Variants in ZNF701 observed in about 807,000 individuals in gnomAD.
ZNF701 encodes the protein zinc finger protein 701.
Under a neutral mutation model 7.1 loss-of-function variants are expected in ZNF701, and 6 were observed. The ratio of observed to expected loss-of-function variants is 0.84; its 90% confidence interval spans 0.46 to 1.66. ZNF701 has a LOEUF of 1.66. Ranked by LOEUF, ZNF701 falls within the 40% of genes most tolerant of loss-of-function variation. ZNF701 has a pLI of 0.01. For synonymous variants in ZNF701, 166 were observed against 188.2 expected (o/e 0.88, Z 0.97); for missense variants, 541 against 559.2 (o/e 0.97, Z 0.33).
intron 1 of ZNF701, among the ~76,000 whole-genome samples, chr19:52,571,488 CAA>C (rs995272970): frequency 1.3e-5 from 2 of 152,060 alleles, no homozygotes; most frequent in Non-Finnish European, 2.9e-5. Flanking sequence ...GAAGGAGCAA[CAA>C]GAGATTAAAT....
chr19:52,575,563 C>CA (rs1382446776), intron 2 of ZNF701: 2 of 348,296 alleles, frequency 5.7e-6, no homozygotes, highest in African/African-American at 4.3e-5. Flanking sequence ...TGCCTTGGTG[C>CA]AATCGCAGCT....
intron 1 of ZNF701, among the ~76,000 whole-genome samples, chr19:52,573,746 A>G (rs2059914914): frequency 6.6e-6 from 1 of 152,076 alleles, no homozygotes. Flanking sequence ...CAAACTCCTG[A>G]GCTCAAGCGA....
rs548026466 is a variant in ZNF701, at chr19:52,583,686, C to T, written c.*229C>T. On this transcript the variant is annotated 3_prime_UTR_variant, in exon 4 of 4. Transcript: ENST00000391785. ...ACACCTGGCCCAACATACTGGAATT[C>T]ACACTGGAAAGGAACTGTACAAGTG... 2.2e-6 allele frequency: 2 copies of T among 918,882 alleles called. No individual in the cohort carries two copies. Among genetic ancestry groups the T allele is most frequent in the Admixed American group, 1.8e-5 (1 of 56,528 alleles). The allele number at this position is 918,882 out of a possible 1,614,324, so 56.9% of individuals were successfully genotyped here.
intron 1 of ZNF701, chr19:52,572,194 AC>A (rs779101853): frequency 3.1e-6 from 1 of 320,092 alleles, no homozygotes; most frequent in Non-Finnish European, 6.1e-6. Flanking sequence ...AGCTGGAATT[AC>A]AGGCAAGTGC....
intron 1 of ZNF701, among the ~76,000 whole-genome samples, chr19:52,571,112 A>G (rs1568498819): frequency 6.6e-6 from 1 of 150,986 alleles, no homozygotes; most frequent in Non-Finnish European, 1.5e-5. Context: ...TGAAAAAAAA[A>G]AGATAAGAAA....
At chr19:52,577,182 C>T (rs1268389503) in intron 3 of ZNF701, among the ~76,000 whole-genome samples, 1 of 152,164 alleles carries the variant, frequency 6.6e-6, no homozygotes, top group Non-Finnish European at 1.5e-5. Flanking sequence ...TAACAGCAGC[C>T]TCCACCTCCC....
intron 1 of ZNF701, among the ~76,000 whole-genome samples, chr19:52,572,834 CCAGTCACA>C (rs1460730247): frequency 6.6e-6 from 1 of 152,174 alleles, no homozygotes; most frequent in Non-Finnish European, 1.5e-5. Context: ...TCCCTCTGCC[CCAGTCACA>C]TTTGCTTTTC....
chr19:52,592,633 A>G, the ZNF701 span, among the ~76,000 whole-genome samples: 1 of 152,200 alleles, frequency 6.6e-6, no homozygotes, highest in South Asian at 2.1e-4. Flanking sequence ...AGTGTTGAAC[A>G]GGTTGGAGTG....
the ZNF701 span, among the ~76,000 whole-genome samples, chr19:52,599,833 C>G: frequency 6.6e-6 from 1 of 152,176 alleles, no homozygotes; most frequent in African/African-American, 2.4e-5. Context: ...GAGAGGGCCC[C>G]TGTCGCCATG....
chr19:52,576,002 T>C lies in ZNF701; in HGVS notation c.123T>C (p.Tyr41=), dbSNP rs541132121. 3.2e-5 allele frequency: 51 copies of C among 1,580,454 alleles called. No individual in the cohort carries two copies. The East Asian group carries it at 1.0e-3, about 32-fold the overall frequency. ...ACAGAGACGTGATGCTGGAGAATTA[T>C]AGGAACCTGGTCTCCCTGGGTGAGG... is the stretch of plus-strand genomic sequence containing the variant. ...TLYRDVMLEN[Y]RNLVSLDTSS... The change falls in exon 3 of 4, where the codon TAT becomes TAC. Residue 41 remains tyrosine (Y), a synonymous_variant. Transcript: ENST00000391785.
rs971487594 is a variant in ZNF701, at chr19:52,586,593, G to A, written c.*3136G>A. ...TGTAGAAGGATGGCCAACGCAGCCT[G>A]TTGACCCTTCCTGGCCATCACATGA... On this transcript the variant is annotated 3_prime_UTR_variant, in exon 4 of 4. Transcript: ENST00000391785. 1 of 152,066 alleles carries A rather than the reference G, an allele frequency of 6.6e-6. No homozygotes were observed. Among genetic ancestry groups the A allele is most frequent in the African/African-American group, 2.4e-5 (1 of 41,436 alleles). The allele number at this position is 152,066 out of a possible 1,614,324, so 9.4% of individuals were successfully genotyped here.
intron 3 of ZNF701, among the ~76,000 whole-genome samples, chr19:52,581,360 C>T (rs1474808606): frequency 6.6e-6 from 1 of 152,040 alleles, no homozygotes; most frequent in Non-Finnish European, 1.5e-5. Flanking sequence ...GCTTGGATTA[C>T]AGGTGCCCAC....
chr19:52,581,298 C>A (rs2146991892), intron 3 of ZNF701, among the ~76,000 whole-genome samples: 1 of 152,218 alleles, frequency 6.6e-6, no homozygotes, highest in Middle Eastern at 3.4e-3. Flanking sequence ...CAGCTCACCA[C>A]AATCTTGGCC....
chr19:52,581,610 T>G (rs897012662), intron 3 of ZNF701, among the ~76,000 whole-genome samples: 2 of 152,148 alleles, frequency 1.3e-5, no homozygotes, highest in African/African-American at 4.8e-5. Context: ...CCTCTTGGCT[T>G]AAAGCAATTC....
At chr19:52,576,623 G>T (rs1314653356) in intron 3 of ZNF701, among the ~76,000 whole-genome samples, 1 of 143,004 alleles carries the variant, frequency 7.0e-6, no homozygotes, top group Non-Finnish European at 1.5e-5. Flanking sequence ...CGATTCAGTA[G>T]TTCTTGGAAG....
At position 52,582,292 on chromosome 19, in the gene ZNF701, C is replaced by G. The variant is rs768813202; in HGVS notation, c.233C>G (p.Ala78Gly). ...VVHTGTLQIH[A>G]SHHIGDTCFQ... ...CACACAGGGACATTGCAAATACATG[C>G]AAGTCATCACATTGGAGATACTTGC... Residue 78 changes from alanine to glycine, a missense_variant, in exon 4 of 4, where the codon GCA (alanine) becomes GGA (glycine). Transcript: ENST00000391785. 33 of 1,613,620 alleles carry G rather than the reference C, an allele frequency of 2.0e-5. No homozygotes were observed. The highest frequency in any genetic ancestry group is 2.7e-5 in the African/African-American group (2 of 74,868).
chr19:52,574,144 A>G lies in ZNF701; in HGVS notation c.-4A>G, dbSNP rs1006676913. On this transcript the variant is annotated 5_prime_UTR_variant, in exon 2 of 4. Coordinates refer to ENST00000391785, the MANE Select transcript of ZNF701 (RefSeq NM_018260.3). ...AGAGGAAGAGGAAAGCAAAGGAGTC[A>G]GGGATGGCTCTTCTTCAGGTGAGAT... 2.5e-6 allele frequency: 4 copies of G among 1,612,270 alleles called. No individual in the cohort carries two copies. In the Admixed American group the frequency reaches 5.0e-5, roughly 20 times the overall value.
At position 52,582,510 on chromosome 19, in the gene ZNF701, G is replaced by A; in HGVS notation, c.451G>A (p.Val151Met). Reference sequence around the variant, plus strand: ...AAGCTTTCATTCGCATCTGCCTGAAGTGCACATATTTCACCCCGAAGGGAA... The same window carrying A: ...AAGCTTTCATTCGCATCTGCCTGAAATGCACATATTTCACCCCGAAGGGAA... ...GSSFHSHLPE[V>M]HIFHPEGKIG... is the part of the protein sequence containing the mutation. Residue 151 changes from valine (V) to methionine (M), a missense_variant, in exon 4 of 4, where the codon GTG (valine) becomes ATG (methionine). Coordinates refer to ENST00000391785, the MANE Select transcript of ZNF701 (RefSeq NM_018260.3). 2 of 1,614,188 alleles carry A rather than the reference G, an allele frequency of 1.2e-6. No homozygotes were observed. The highest frequency in any genetic ancestry group is 1.7e-6 in the Non-Finnish European group (2 of 1,180,044).
At chr19:52,576,295 C>G (rs1240831719) in intron 3 of ZNF701, among the ~76,000 whole-genome samples, 2 of 152,118 alleles carry the variant, frequency 1.3e-5, no homozygotes, top group Non-Finnish European at 2.9e-5. Context: ...CATCACAGCA[C>G]TTTGGGAGGC....
Sources: gnomAD v4.1 joint callset for allele counts (sites outside exome capture counted in the v4.1 genomes callset) on GRCh38, gnomAD v4.1.1 for gene constraint, MANE v1.5 for transcripts, NCBI Gene and HGNC (gene_info 2026-07-23, HGNC 2026-07-21) for gene names.